Variants in PTPRT observed in about 807,000 individuals in gnomAD.
PTPRT encodes receptor-type tyrosine-protein phosphatase T.
PTPRT carries 56 observed loss-of-function variants against 176.8 expected under a neutral mutation model. The observed-to-expected ratio is 0.32, with a 90% CI of 0.26 to 0.40. The LOEUF is 0.40. PTPRT is among the 10% of genes least tolerant of loss of function. The pLI is 1.00. For synonymous variants in PTPRT, 783 were observed against 739.0 expected (o/e 1.06, Z -0.96); for missense variants, 1,540 against 1,908.2 (o/e 0.81, Z 3.60).
intron 1 of PTPRT, among the ~76,000 whole-genome samples, chr20:42,943,988 C>T: frequency 6.6e-6 from 1 of 152,056 alleles, no homozygotes; most frequent in East Asian, 1.9e-4. Flanking sequence ...CACTGCACTC[C>T]AACCTGGGTG....
chr20:43,047,702 ATG>A lies in PTPRT; in HGVS notation c.88+141942_88+141943del, dbSNP rs1199573517. ...AATCATACTAATGATGATGATGATG[ATG>A]ATGACACCGATGACAATGATGATAA... On this transcript the variant is annotated intron_variant, in intron 1 of 30. Coordinates refer to ENST00000373187, the MANE Select transcript of PTPRT (RefSeq NM_007050.6). Among the ~76,000 whole-genome samples the A allele has an allele frequency of 2.0e-5, 3 of 152,172 alleles. No homozygotes were observed. The East Asian group carries it at 5.8e-4, about 29-fold the overall frequency.
chr20:42,801,899 C>T (rs988245038), intron 2 of PTPRT, among the ~76,000 whole-genome samples: 1 of 152,108 alleles, frequency 6.6e-6, no homozygotes, highest in African/African-American at 2.4e-5. Context: ...TTAGAGACCA[C>T]CTCTCTAACC....
intron 1 of PTPRT, among the ~76,000 whole-genome samples, chr20:43,043,025 A>C (rs1324858818): frequency 6.6e-6 from 1 of 152,144 alleles, no homozygotes; most frequent in Non-Finnish European, 1.5e-5. Context: ...GGCCCATCTG[A>C]ATCACAGAAA....
At chr20:42,058,353 C>T in the PTPRT span, among the ~76,000 whole-genome samples, 1 of 152,212 alleles carries the variant, frequency 6.6e-6, no homozygotes, top group African/African-American at 2.4e-5. Flanking sequence ...CTTAATAGCA[C>T]CTTATCTTCC....
In PTPRT at chr20:42,148,260, ATTTT is replaced by A. The variant is rs34255255; in HGVS notation, c.2683-6262_2683-6259del. On this transcript the variant is annotated intron_variant, in intron 17 of 30. Transcript: ENST00000373187. ...ACAGTGTTGTTTTTCCAAGGCAGTC[ATTTT>A]TTTTTTTTTTTTTTTTTTAGTTCAA... Among the ~76,000 whole-genome samples, 12 of 114,060 alleles carry A rather than the reference ATTTT, an allele frequency of 1.1e-4. 1 individual carries two copies. Among genetic ancestry groups the A allele is most frequent in the Admixed American group, 2.8e-4 (3 of 10,744 alleles). 74.8% of individuals were successfully genotyped at this position (114,060 alleles called of 152,430 possible).
intron 6 of PTPRT, among the ~76,000 whole-genome samples, chr20:42,713,630 C>G (rs1176849139): frequency 6.6e-6 from 1 of 152,124 alleles, no homozygotes; most frequent in Non-Finnish European, 1.5e-5. Flanking sequence ...ACATGTGATA[C>G]AGTTTGGATG....
At chr20:42,369,072 C>T (rs2058552917) in intron 9 of PTPRT, among the ~76,000 whole-genome samples, 1 of 150,652 alleles carries the variant, frequency 6.6e-6, no homozygotes, top group Non-Finnish European at 1.5e-5. Context: ...TCCCTTCTTT[C>T]TCTCCTTCCC....
intron 1 of PTPRT, among the ~76,000 whole-genome samples, chr20:42,944,294 G>A (rs961003364): frequency 2.0e-5 from 3 of 152,056 alleles, no homozygotes; most frequent in African/African-American, 4.8e-5. Flanking sequence ...AGGAAATGCC[G>A]GCTTCCACAT....
intron 1 of PTPRT, among the ~76,000 whole-genome samples, chr20:43,092,587 T>C (rs1448523300): frequency 3.9e-5 from 6 of 152,234 alleles, no homozygotes; most frequent in African/African-American, 1.2e-4. Context: ...CTTTGGCCCC[T>C]ATGTGGTTGA....
intron 8 of PTPRT, among the ~76,000 whole-genome samples, chr20:42,466,877 T>C (rs548469181): frequency 6.6e-6 from 1 of 152,194 alleles, no homozygotes; most frequent in South Asian, 2.1e-4. Context: ...ATTAAAAGAA[T>C]AGTCTAGAAT....
At chr20:42,412,342 T>C (rs534163193) in intron 9 of PTPRT, among the ~76,000 whole-genome samples, 1 of 152,242 alleles carries the variant, frequency 6.6e-6, no homozygotes, top group East Asian at 1.9e-4. Context: ...AAATCCAAAT[T>C]AAAACCACTA....
chr20:42,856,194 G>T (rs953957018), intron 2 of PTPRT, among the ~76,000 whole-genome samples: 1 of 152,130 alleles, frequency 6.6e-6, no homozygotes, highest in African/African-American at 2.4e-5. Flanking sequence ...AGCCCCCAGA[G>T]GCTTTTTGCA....
At chr20:42,543,325 G>A (rs1360277447) in intron 7 of PTPRT, among the ~76,000 whole-genome samples, 2 of 152,100 alleles carry the variant, frequency 1.3e-5, no homozygotes, top group Non-Finnish European at 2.9e-5. Flanking sequence ...TTTTACCAGT[G>A]TTTACAGCAT....
At chr20:42,686,436 A>G (rs1195617554) in intron 6 of PTPRT, 1 of 131,254 alleles carries the variant, frequency 7.6e-6, no homozygotes, top group African/African-American at 2.8e-5. Flanking sequence ...ATCCTCTAGC[A>G]CTTCCAGCTC....
chr20:42,250,949 G>T (rs991511069), intron 13 of PTPRT, among the ~76,000 whole-genome samples: 1 of 152,204 alleles, frequency 6.6e-6, no homozygotes, highest in Non-Finnish European at 1.5e-5. Context: ...TCCTGAAAGA[G>T]TTGGCCACCA....
At chr20:42,897,818 C>T (rs1418797649) in intron 1 of PTPRT, among the ~76,000 whole-genome samples, 1 of 152,124 alleles carries the variant, frequency 6.6e-6, no homozygotes, top group Non-Finnish European at 1.5e-5. Flanking sequence ...TAGTGCCTAA[C>T]TCTTAAGGCT....
intron 2 of PTPRT, among the ~76,000 whole-genome samples, chr20:42,855,228 C>A (rs1348722753): frequency 6.6e-6 from 1 of 151,976 alleles, no homozygotes; most frequent in Non-Finnish European, 1.5e-5. Context: ...GGAAAGAATG[C>A]CAGGTATTCC....
At chr20:42,658,740 A>T (rs1569061679) in intron 7 of PTPRT, among the ~76,000 whole-genome samples, 1 of 152,232 alleles carries the variant, frequency 6.6e-6, no homozygotes, top group South Asian at 2.1e-4. Context: ...ATTAAATGTA[A>T]TGTATGTCTC....
At chr20:42,300,756 G>GTATTATTATTATTATTATTAT (rs533576322) in intron 12 of PTPRT, among the ~76,000 whole-genome samples, 24 of 148,022 alleles carry the variant, frequency 1.6e-4, no homozygotes, top group African/African-American at 5.9e-4. Context: ...CTTTTTATTT[G>GTATTATTATTATTATTATTAT]TATTATTATT....
Sources: allele counts gnomAD v4.1 joint callset (sites outside exome capture counted in the v4.1 genomes callset), GRCh38; gene constraint gnomAD v4.1.1; transcripts MANE v1.5; gene names NCBI Gene and HGNC (gene_info 2026-07-23, HGNC 2026-07-21).